Variants in BCCIP observed in about 807,000 individuals in gnomAD.
BCCIP encodes BRCA2 and CDKN1A-interacting protein.
In BCCIP, 23 loss-of-function variants were observed where a neutral mutation model predicts 32.8. The ratio of observed to expected loss-of-function variants is 0.70; its 90% confidence interval spans 0.51 to 0.99. The LOEUF (loss-of-function observed/expected upper bound fraction) is 0.99, where lower values mean the gene tolerates loss of function less well. BCCIP is among the 50% of genes least tolerant of loss of function. The probability of loss-of-function intolerance (pLI) is 0.00; values close to 1 mark genes in which losing one functional copy is unlikely to be tolerated. For synonymous variants in BCCIP, 144 were observed against 137.6 expected (o/e 1.05, Z -0.33); for missense variants, 378 against 379.8 (o/e 1.00, Z 0.04).
chr10:125,842,050 C>T, exon 7 of BCCIP: 2 of 1,292,304 alleles, frequency 1.5e-6, no homozygotes, highest in South Asian at 3.6e-5. Context: ...ATATGTGAAA[C>T]AACGGTTTGC....
intron 1 of BCCIP, among the ~76,000 whole-genome samples, chr10:125,824,260 A>C (rs960341675): frequency 6.6e-6 from 1 of 152,206 alleles, no homozygotes; most frequent in Non-Finnish European, 1.5e-5. Flanking sequence ...AGTCGTGGGT[A>C]AATCTTTGGT....
chr10:125,835,519 C>T (rs1056280378), intron 6 of BCCIP, among the ~76,000 whole-genome samples: 2 of 149,464 alleles, frequency 1.3e-5, no homozygotes, highest in East Asian at 2.0e-4. Context: ...GCAGAGCTTG[C>T]GGTGAGCCGA....
At chr10:125,838,101 A>G, downstream of BCCIP, 1 of 1,072,824 alleles carries the variant, frequency 9.3e-7, no homozygotes, top group South Asian at 1.8e-5. Flanking sequence ...TTAAGATTGC[A>G]TCAGTATAAA....
At chr10:125,826,269 A>G in intron 1 of BCCIP, 1 of 306,696 alleles carries the variant, frequency 3.3e-6, no homozygotes, top group South Asian at 3.2e-5. Flanking sequence ...ATGTAGTGTA[A>G]CCTCAAATCC....
chr10:125,836,829 T>G, downstream of BCCIP: 1 of 1,614,164 alleles, frequency 6.2e-7, no homozygotes. Flanking sequence ...ATTACTGAAA[T>G]AGTATTGTGG....
At chr10:125,850,906 G>A (rs1420587350) in intron 7 of BCCIP, among the ~76,000 whole-genome samples, 2 of 152,184 alleles carry the variant, frequency 1.3e-5, no homozygotes, top group African/African-American at 2.4e-5. Flanking sequence ...CCTTCCCAGG[G>A]TAGCGGCAGT....
In BCCIP at chr10:125,826,665, G is replaced by A. The variant is rs778926812; in HGVS notation, c.240G>A (p.Gln80=). The A allele has an allele frequency of 1.2e-6, 2 of 1,613,184 alleles. No individual in the cohort carries two copies. Among genetic ancestry groups the A allele is most frequent in the African/African-American group, 2.7e-5 (2 of 74,970 alleles). ...ACGGAATTAAGAAATTACTGCAGCAGGTATTGTCTTTTATTTATTATGCAT... is the reference window on the plus strand; with the variant it reads ...ACGGAATTAAGAAATTACTGCAGCAAGTATTGTCTTTTATTTATTATGCAT... ...DYDGIKKLLQ[Q]LFLKAPVNTA... The change falls in exon 2 of 7, where the codon CAG becomes CAA. Residue 80 remains glutamine (Q), a splice_region_variant and synonymous_variant. Coordinates refer to ENST00000278100, the MANE Select transcript of BCCIP (RefSeq NM_078468.3).
At chr10:125,839,282 T>G (rs1466586696), downstream of BCCIP, 1 of 1,309,950 alleles carries the variant, frequency 7.6e-7, no homozygotes, top group Non-Finnish European at 1.1e-6. Context: ...AGCCCTGTGC[T>G]CTCCTCTCCT....
downstream of BCCIP, chr10:125,836,965 G>A (rs1437029769): frequency 4.4e-6 from 4 of 909,364 alleles, no homozygotes; most frequent in Non-Finnish European, 6.7e-6. Context: ...TGTAGAACCG[G>A]TATTTAATTT....
intron 2 of BCCIP, among the ~76,000 whole-genome samples, chr10:125,827,337 C>T (rs1473719262): frequency 6.6e-6 from 1 of 151,956 alleles, no homozygotes; most frequent in Non-Finnish European, 1.5e-5. Flanking sequence ...TTCTCCCCCT[C>T]CCCCATTACT....
At chr10:125,824,628 C>T (rs1854316473) in intron 1 of BCCIP, among the ~76,000 whole-genome samples, 1 of 152,202 alleles carries the variant, frequency 6.6e-6, no homozygotes, top group Admixed American at 6.5e-5. Context: ...CATCGTAGTC[C>T]ACACCTCTAT....
exon 7 of BCCIP, chr10:125,842,182 G>A (rs542476853): frequency 6.7e-6 from 3 of 444,732 alleles, no homozygotes; most frequent in East Asian, 9.3e-5. Flanking sequence ...TGCATGCGGG[G>A]GGAACCCAGG....
chr10:125,831,841 T>C (rs991782957), intron 5 of BCCIP, among the ~76,000 whole-genome samples: 25 of 152,338 alleles, frequency 1.6e-4, no homozygotes, highest in Non-Finnish European at 3.2e-4. Context: ...TTAAGTGATA[T>C]ATAAGTAGAT....
intron 3 of BCCIP, among the ~76,000 whole-genome samples, chr10:125,828,834 G>A (rs914814515): frequency 2.6e-5 from 4 of 152,140 alleles, no homozygotes; most frequent in Non-Finnish European, 5.9e-5. Context: ...GCTTGACTAG[G>A]GGCTGGAGGA....
At chr10:125,847,364 G>C (rs1174130668), downstream of BCCIP, among the ~76,000 whole-genome samples, 1 of 152,158 alleles carries the variant, frequency 6.6e-6, no homozygotes, top group Non-Finnish European at 1.5e-5. Context: ...TGGATTACTA[G>C]TGCTTGCATT....
At chr10:125,837,831 C>T (rs1482095236), downstream of BCCIP, among the ~76,000 whole-genome samples, 3 of 152,188 alleles carry the variant, frequency 2.0e-5, no homozygotes, top group East Asian at 1.9e-4. Flanking sequence ...CTGGTGCCTG[C>T]CTCTCTCTTC....
At chr10:125,829,871 A>G (rs1055116852) in intron 3 of BCCIP, among the ~76,000 whole-genome samples, 1 of 152,258 alleles carries the variant, frequency 6.6e-6, no homozygotes, top group Non-Finnish European at 1.5e-5. Flanking sequence ...ATAGCTCTGC[A>G]GTTGTAACTG....
In BCCIP at chr10:125,833,811, T is replaced by C; in HGVS notation, c.639T>C (p.Cys213=). 6.2e-7 allele frequency: 1 copy of C among 1,614,222 alleles called. No homozygotes were observed. The highest frequency in any genetic ancestry group is 1.1e-5 in the South Asian group (1 of 91,080). The part of the protein sequence containing the change: ...LAGAHRTNKP[C]GKCYFYLLIS... ...GGGCACACAGAACCAATAAGCCATG[T>C]GGGAAGTGCTACTTTTACCTTCTGA... Residue 213 remains cysteine, a synonymous_variant, in exon 6 of 7, where the codon TGT becomes TGC. Coordinates refer to ENST00000278100, the MANE Select transcript of BCCIP (RefSeq NM_078468.3).
intron 3 of BCCIP, among the ~76,000 whole-genome samples, chr10:125,829,517 A>G (rs980367421): frequency 7.9e-5 from 12 of 152,160 alleles, no homozygotes; most frequent in African/African-American, 2.9e-4. Context: ...TTCTTCAGAC[A>G]CTCTTATCTG....
Sources: allele counts gnomAD v4.1 joint callset (sites outside exome capture counted in the v4.1 genomes callset), GRCh38; gene constraint gnomAD v4.1.1; transcripts MANE v1.5; gene names NCBI Gene and HGNC (gene_info 2026-07-23, HGNC 2026-07-21).